The following CEL variants were observed in gnomAD, a reference collection of about 807,000 sequenced individuals.
The protein encoded by CEL is bile salt-activated lipase.
CEL carries 39 observed loss-of-function variants against 57.1 expected under a neutral mutation model. That is an observed-to-expected ratio of 0.68 (90% CI 0.53 to 0.89). CEL has a LOEUF of 0.89. Ranked by LOEUF, CEL falls within the 40% of genes least tolerant of loss-of-function variation. The probability of loss-of-function intolerance (pLI) is 0.00; values close to 1 mark genes in which losing one functional copy is unlikely to be tolerated. For missense variants in CEL, 698 were observed against 915.0 expected, an observed-to-expected ratio of 0.76 and a Z score of 3.06; for synonymous variants, 314 against 396.6, an observed-to-expected ratio of 0.79 and a Z score of 2.48.
At chr9:133,063,079 G>A (rs1421537484) in intron 1 of CEL, among the ~76,000 whole-genome samples, 2 of 151,860 alleles carry the variant, frequency 1.3e-5, no homozygotes, top group African/African-American at 2.4e-5. Context: ...TGCCGCCTGC[G>A]GTGTCTCAGG....
Position 133,064,974 on chromosome 9 carries a change from C to T in CEL, c.341-66C>T. ...GCCCCAGGCACCTGCTGCACAGGGACAGGGGACCGGCTGGAGACAGGGCCA... is the reference window on the plus strand; with the variant it reads ...GCCCCAGGCACCTGCTGCACAGGGATAGGGGACCGGCTGGAGACAGGGCCA... On this transcript the variant is annotated intron_variant, in intron 3 of 10. Coordinates refer to ENST00000372080, the MANE Select transcript of CEL (RefSeq NM_001807.6). 3 of 1,597,488 alleles carry T rather than the reference C, an allele frequency of 1.9e-6. No individual in the cohort carries two copies. In the South Asian group the frequency reaches 3.3e-5, roughly 18 times the overall value.
chr9:133,065,421 A>T (rs2119060640), intron 4 of CEL, among the ~76,000 whole-genome samples, 184 bp downstream of exon 4: 1 of 152,330 alleles, frequency 6.6e-6, no homozygotes, highest in East Asian at 1.9e-4. Flanking sequence ...GATGCTGCAG[A>T]GGCCGGGAGA....
At chr9:133,062,874 G>A (rs1406168233) in intron 1 of CEL, among the ~76,000 whole-genome samples, 5 of 151,488 alleles carry the variant, frequency 3.3e-5, no homozygotes, top group African/African-American at 9.8e-5. Flanking sequence ...CTCCACACCC[G>A]GGTCCGGGTC....
At chr9:133,064,917 A>G in intron 3 of CEL, 123 bp from the exon 4 acceptor site, 4 of 1,518,618 alleles carry the variant, frequency 2.6e-6, no homozygotes, top group Non-Finnish European at 2.7e-6. Context: ...AGCCTGGGGC[A>G]GGGCAGCGCC....
At position 133,064,400 on chromosome 9, in the gene CEL, G is replaced by T; in HGVS notation, c.67-4G>T. The T allele has an allele frequency of 6.2e-7, 1 of 1,613,672 alleles. No individual in the cohort carries two copies. On this transcript the variant is annotated splice_region_variant and splice_polypyrimidine_tract_variant and intron_variant, in intron 1 of 10. Coordinates refer to ENST00000372080, the MANE Select transcript of CEL (RefSeq NM_001807.6). Reference sequence around the variant, plus strand: ...CCCTGACCCTGCCCGTGTCTCCCTCGCAGCTGGGCGCCGTGTACACAGAAG... The same window carrying T: ...CCCTGACCCTGCCCGTGTCTCCCTCTCAGCTGGGCGCCGTGTACACAGAAG...
chr9:133,066,950 A>G lies in CEL; in HGVS notation c.777+5A>G. ...CCACTCTTCTGGGCCAAAAAGGTAA[A>G]CGGAGGAGGGCAGGGCTGGGCGGGG... On this transcript the variant is annotated splice_donor_5th_base_variant and intron_variant, in intron 6 of 10. Transcript: ENST00000372080. The surrounding 1 kb of genome is among the most constrained non-coding windows in gnomAD (Gnocchi z 4.3). 1 of 1,070,256 alleles carries G rather than the reference A, an allele frequency of 9.3e-7. No homozygotes were observed. The highest frequency in any genetic ancestry group is 3.7e-5 in the East Asian group (1 of 26,976). 66.3% of individuals were successfully genotyped at this position (1,070,256 alleles called of 1,614,324 possible).
rs550222823 is a variant in CEL at position 133,071,614 on chromosome 9, C to G, written c.2112C>G (p.Thr704=). 15 of 1,434,732 alleles carry G rather than the reference C, an allele frequency of 1.0e-5. 1 individual carries two copies. Among genetic ancestry groups the G allele is most frequent in the East Asian group, 5.0e-5 (2 of 39,850 alleles). The allele number at this position is 1,434,732 out of a possible 1,614,324, so 88.9% of individuals were successfully genotyped here. The change falls in exon 11 of 11, where the codon ACC becomes ACG. Residue 704 remains threonine (T), a synonymous_variant. Transcript: ENST00000372080. ...GTGACTCCGGGGCCCCCCCCGTGAC[C>G]CCCACGGGTGACTCCGAGACCGCCC... The part of the protein sequence containing the change: ...PTGDSGAPPV[T]PTGDSETAPV...
chr9:133,066,464 C>T lies in CEL; in HGVS notation c.539-66C>T. 2 of 1,603,904 alleles carry T rather than the reference C, an allele frequency of 1.2e-6. No homozygotes were observed. The highest frequency in any genetic ancestry group is 1.7e-6 in the Non-Finnish European group (2 of 1,173,438). On this transcript the variant is annotated intron_variant, in intron 4 of 10. Coordinates refer to ENST00000372080, the MANE Select transcript of CEL (RefSeq NM_001807.6). This position sits in a 1 kb window ranked among gnomAD's most constrained non-coding sequence, Gnocchi z 4.3. ...GCATTTCCACCCCACCTATGCTGATCTCCCCTCCTGGAGGCCAGGCCTGGG... is the reference window on the plus strand; with the variant it reads ...GCATTTCCACCCCACCTATGCTGATTTCCCCTCCTGGAGGCCAGGCCTGGG...
Position 133,066,560 on chromosome 9 carries a change from C to T in CEL, c.569C>T (p.Ala190Val). 7 of 1,614,018 alleles carry T rather than the reference C, an allele frequency of 4.3e-6. No individual in the cohort carries two copies. Among genetic ancestry groups the T allele is most frequent in the Non-Finnish European group, 5.9e-6 (7 of 1,180,014 alleles). Residue 190 changes from alanine to valine, a missense_variant, in exon 5 of 11, where the codon GCC becomes GTC. This residue lies in a region of CEL where 327 missense variants were observed against 374.1 expected (regional missense o/e 0.87). Coordinates refer to ENST00000372080, the MANE Select transcript of CEL (RefSeq NM_001807.6). This position sits in a 1 kb window ranked among gnomAD's most constrained non-coding sequence, Gnocchi z 4.3. ...TATGGCCTTCGGGATCAGCACATGGCCATTGCTTGGGTGAAGAGGAATATC... is the reference window on the plus strand; with the variant it reads ...TATGGCCTTCGGGATCAGCACATGGTCATTGCTTGGGTGAAGAGGAATATC... ...GNYGLRDQHM[A>V]IAWVKRNIAA... is the part of the protein sequence containing the mutation.
chr9:133,064,218 G>A (rs1208850311), intron 1 of CEL, among the ~76,000 whole-genome samples, 186 bp from the exon 2 acceptor site: 1 of 152,220 alleles, frequency 6.6e-6, no homozygotes, highest in East Asian at 1.9e-4. Flanking sequence ...GATAAGGAGA[G>A]GAACAGGAAT....
chr9:133,071,841 GAAT>G lies in CEL; in HGVS notation c.*80_*82del. On this transcript the variant is annotated 3_prime_UTR_variant, in exon 11 of 11. Transcript: ENST00000372080. ...TCCCCTCCCATCTTGAGCTCTTCCT[GAAT>G]AAAGCCTCATACCCCTGTCGGTGTC... is the stretch of plus-strand genomic sequence containing the variant. The G allele has an allele frequency of 7.5e-7, 1 of 1,340,858 alleles. No homozygotes were observed. The highest frequency in any genetic ancestry group is 1.8e-5 in the Admixed American group (1 of 55,224). 83.1% of individuals were successfully genotyped at this position (1,340,858 alleles called of 1,614,324 possible).
intron 3 of CEL, 90 bp from the exon 4 acceptor site, chr9:133,064,950 C>A: frequency 1.3e-6 from 2 of 1,569,348 alleles, no homozygotes; most frequent in Non-Finnish European, 1.7e-6. Context: ...CCTGTCTTGG[C>A]CCCAGGCACC....
In CEL at chr9:133,071,775, G is replaced by A; in HGVS notation, c.*11G>A. 1 of 1,611,434 alleles carries A rather than the reference G, an allele frequency of 6.2e-7. No homozygotes were observed. Among genetic ancestry groups the A allele is most frequent in the Non-Finnish European group, 8.5e-7 (1 of 1,178,754 alleles). ...GTCATTAGGTTTTAGCGTCCCATGA[G>A]CCTTGGTATCAAGAGGCCACAAGAG... On this transcript the variant is annotated 3_prime_UTR_variant, in exon 11 of 11. Coordinates refer to ENST00000372080, the MANE Select transcript of CEL (RefSeq NM_001807.6).
chr9:133,071,713 C>T lies in CEL; in HGVS notation c.2211C>T (p.Pro737=), dbSNP rs200257295. 1.2e-6 allele frequency: 2 copies of T among 1,611,110 alleles called. No homozygotes were observed. Among genetic ancestry groups the T allele is most frequent in the African/African-American group, 1.3e-5 (1 of 74,730 alleles). Residue 737 remains proline (P), a synonymous_variant, in exon 11 of 11, where the codon CCC becomes CCT. Transcript: ENST00000372080. ...PTGDSEAAPV[P]PTDDSKEAQM... is the part of the protein sequence containing the mutation. ...GTGACTCTGAGGCTGCCCCTGTGCC[C>T]CCCACAGATGACTCCAAGGAAGCTC... is the stretch of plus-strand genomic sequence containing the variant.
chr9:133,067,263 T>C, intron 7 of CEL, 58 bp downstream of exon 7: 1 of 1,453,044 alleles, frequency 6.9e-7, no homozygotes, highest in Non-Finnish European at 9.6e-7. Flanking sequence ...AGGGGGGTAC[T>C]GCCAGGGAGT....
rs1830192960 is a variant in CEL at position 133,067,169 on chromosome 9, A to G, written c.859A>G (p.Thr287Ala). The G allele has an allele frequency of 6.2e-7, 1 of 1,613,828 alleles. No homozygotes were observed. The highest frequency in any genetic ancestry group is 8.5e-7 in the Non-Finnish European group (1 of 1,179,982). The change falls in exon 7 of 11, where the codon ACG becomes GCG. Residue 287 changes from threonine to alanine, a missense_variant. Physicochemically the swap from Thr to Ala is moderately conservative, Grantham distance 58 (BLOSUM62 0). Transcript: ENST00000372080. The stretch of plus-strand genomic sequence containing the variant: ...GAAGGTTACTGATCCCCGAGCCCTG[A>G]CGCTGGCCTATAAGGTGCCGCTGGC... ...CLKVTDPRAL[T>A]LAYKVPLAGL...
intron 7 of CEL, among the ~76,000 whole-genome samples, chr9:133,067,427 G>A (rs934265817): frequency 1.3e-5 from 2 of 152,058 alleles, no homozygotes. Context: ...AGGCTGGAGT[G>A]CAGTGTCACG....
intron 3 of CEL, 73 bp downstream of exon 3, chr9:133,064,835 C>T (rs1830149410): frequency 1.2e-6 from 2 of 1,605,614 alleles, no homozygotes; most frequent in African/African-American, 1.3e-5. Context: ...TGGCTTGAGT[C>T]TGGGGGCTGC....
chr9:133,064,960 C>A, intron 3 of CEL, 80 bp from the exon 4 acceptor site: 1 of 1,584,702 alleles, frequency 6.3e-7, no homozygotes, highest in Non-Finnish European at 8.6e-7. Flanking sequence ...CCCCAGGCAC[C>A]TGCTGCACAG....
Sources: allele counts gnomAD v4.1 joint callset (sites outside exome capture counted in the v4.1 genomes callset), GRCh38; gene constraint gnomAD v4.1.1; regional missense constraint gnomAD v4.1.1; non-coding constraint Gnocchi (gnomAD v3.1); transcripts MANE v1.5; gene names NCBI Gene and HGNC (gene_info 2026-07-23, HGNC 2026-07-21).